Variants in KIF15 observed in about 807,000 individuals in gnomAD.
KIF15 encodes kinesin family member 15, also known as kinesin-like protein KIF15.
KIF15 carries 140 observed loss-of-function variants against 190.6 expected under a neutral mutation model. That is an observed-to-expected ratio of 0.73 (90% CI 0.64 to 0.84). The LOEUF (loss-of-function observed/expected upper bound fraction) is 0.84. KIF15 is among the 40% of genes least tolerant of loss of function. KIF15 has a pLI of 0.00. For missense variants in KIF15, 1,372 were observed against 1,584.4 expected, an observed-to-expected ratio of 0.87 and a Z score of 2.28; for synonymous variants, 528 against 551.3, an observed-to-expected ratio of 0.96 and a Z score of 0.59.
intron 25 of KIF15, among the ~76,000 whole-genome samples, chr3:44,830,349 T>C (rs775455593): frequency 2.6e-5 from 4 of 152,198 alleles, no homozygotes; most frequent in Non-Finnish European, 5.9e-5. Flanking sequence ...TGTTTGGGAA[T>C]GCCGGTATAA....
chr3:44,827,253 A>G (rs941531403), intron 22 of KIF15: 1 of 516,330 alleles, frequency 1.9e-6, no homozygotes, highest in Non-Finnish European at 3.6e-6. Context: ...ACTCTGAGGA[A>G]AAACAGTCAT....
chr3:44,762,697 TA>T lies in KIF15; in HGVS notation c.19+815del, dbSNP rs1293409658. Among the ~76,000 whole-genome samples, 23 of 152,360 alleles carry T rather than the reference TA, an allele frequency of 1.5e-4. No individual in the cohort carries two copies. In the East Asian group the frequency reaches 4.4e-3, roughly 29 times the overall value. ...TGTCATTTGAGCTTTCCAACGCCGT[TA>T]ATGTTTCTAGCTTTCTGTCAATTGT... On this transcript the variant is annotated intron_variant, in intron 1 of 34. Transcript: ENST00000326047.
At chr3:44,775,530 A>G in intron 3 of KIF15, 93 bp downstream of exon 3, 1 of 887,776 alleles carries the variant, frequency 1.1e-6, no homozygotes, top group Non-Finnish European at 1.7e-6. Context: ...ATCTCGGCTC[A>G]CTGCACCCTC....
chr3:44,857,994 A>C (rs1699204834), downstream of KIF15, among the ~76,000 whole-genome samples: 1 of 152,224 alleles, frequency 6.6e-6, no homozygotes, highest in Admixed American at 6.5e-5. Flanking sequence ...GGTGGAAAGA[A>C]AGTAAATCAA....
At chr3:44,792,328 A>G (rs1458305207) in intron 7 of KIF15, among the ~76,000 whole-genome samples, 1 of 151,800 alleles carries the variant, frequency 6.6e-6, no homozygotes, top group Non-Finnish European at 1.5e-5. Flanking sequence ...ATACAAAAAA[A>G]TTAGGCATGG....
chr3:44,834,287 GCCA>G (rs1698204862), intron 26 of KIF15, among the ~76,000 whole-genome samples: 1 of 152,104 alleles, frequency 6.6e-6, no homozygotes, highest in African/African-American at 2.4e-5. Flanking sequence ...TGAGTACTTA[GCCA>G]ATGCAGTAAA....
chr3:44,844,178 C>A (rs116385822), intron 30 of KIF15, among the ~76,000 whole-genome samples: 2,839 of 152,314 alleles, frequency 0.019, 76 homozygotes, highest in African/African-American at 0.064. Context: ...TCCTGCAGCT[C>A]CCTGGCCCTG....
intron 6 of KIF15, chr3:44,864,437 G>C: frequency 2.0e-6 from 3 of 1,513,248 alleles, no homozygotes; most frequent in Non-Finnish European, 1.8e-6. Context: ...CAGGAGAAAG[G>C]ACAGGAACTG....
exon 35 of KIF15, chr3:44,853,253 ATAAT>A (rs1488384392): frequency 2.6e-5 from 4 of 152,244 alleles, no homozygotes; most frequent in Non-Finnish European, 5.9e-5. Context: ...TTTTAAGATA[ATAAT>A]TAAAGTGACT....
Position 44,775,422 on chromosome 3 carries a change from T to C in KIF15, c.231T>C (p.Asp77=), listed in dbSNP as rs774317446. Residue 77 remains aspartate, a synonymous_variant, in exon 3 of 35, where the codon GAT becomes GAC. Coordinates refer to ENST00000326047, the MANE Select transcript of KIF15 (RefSeq NM_020242.3). ...PKTFTFDHVA[D]VDTTQESVFA... The stretch of plus-strand genomic sequence containing the variant: ...CCTTCACGTTTGATCATGTTGCAGA[T>C]GTGGATACCACTCAGGTAATGATAA... 9 of 1,608,862 alleles carry C rather than the reference T, an allele frequency of 5.6e-6. No individual in the cohort carries two copies. In the East Asian group the frequency reaches 2.0e-4, roughly 36 times the overall value.
rs1381244529 is a variant in KIF15 at position 44,834,868 on chromosome 3, G to GCCT, written c.3172-3407_3172-3406insCCT. 8.0e-4 allele frequency among the ~76,000 whole-genome samples: 122 copies of GCCT among 151,964 alleles called. 3 individuals are homozygous for GCCT. The East Asian group carries it at 0.017, about 21-fold the overall frequency. On this transcript the variant is annotated intron_variant, in intron 26 of 34. Coordinates refer to ENST00000326047, the MANE Select transcript of KIF15 (RefSeq NM_020242.3). ...GAATCGCTGGAACCTAGGAGGCAGAGGTTGCAGTGAGCCAAGATCGCGCCA... is the reference window on the plus strand; with the variant it reads ...GAATCGCTGGAACCTAGGAGGCAGAGCCTGTTGCAGTGAGCCAAGATCGCGCCA...
intron 1 of KIF15, among the ~76,000 whole-genome samples, chr3:44,768,197 C>G (rs1054025322): frequency 6.6e-6 from 1 of 151,514 alleles, no homozygotes; most frequent in Non-Finnish European, 1.5e-5. Flanking sequence ...TTGCTTGAAT[C>G]TGGGAGGTGG....
intron 32 of KIF15, 78 bp downstream of exon 32, chr3:44,848,636 G>T (rs1698953558): frequency 1.6e-6 from 1 of 635,722 alleles, no homozygotes; most frequent in Non-Finnish European, 2.6e-6. Context: ...ATACCACAAG[G>T]TAGGTAACTT....
At chr3:44,846,041 C>A (rs1698834102) in intron 30 of KIF15, among the ~76,000 whole-genome samples, 1 of 152,202 alleles carries the variant, frequency 6.6e-6, no homozygotes, top group Non-Finnish European at 1.5e-5. Flanking sequence ...CCTAGATAAA[C>A]TTGTTTGTTC....
At chr3:44,840,237 C>A in intron 27 of KIF15, 118 bp from the exon 28 acceptor site, 1 of 600,710 alleles carries the variant, frequency 1.7e-6, no homozygotes. Context: ...AGTGATATCT[C>A]ATTGTGGTTT....
At chr3:44,850,938 C>T (rs1699039076) in intron 32 of KIF15, among the ~76,000 whole-genome samples, 1 of 152,162 alleles carries the variant, frequency 6.6e-6, no homozygotes, top group African/African-American at 2.4e-5. Context: ...ATCATTTCAA[C>T]AGTCAACATT....
At chr3:44,784,709 AC>A in intron 5 of KIF15, 135 bp from the exon 6 acceptor site, 1 of 608,682 alleles carries the variant, frequency 1.6e-6, no homozygotes. Context: ...TCTCTCACAG[AC>A]CTAGATTTAA....
At chr3:44,856,086 C>T (rs1468291039), downstream of KIF15, among the ~76,000 whole-genome samples, 9 of 151,398 alleles carry the variant, frequency 5.9e-5, no homozygotes, top group South Asian at 2.1e-4. Flanking sequence ...GGTCCGTTAT[C>T]GGACTGTATA....
intron 29 of KIF15, among the ~76,000 whole-genome samples, chr3:44,842,199 A>G (rs1415167938): frequency 6.6e-6 from 1 of 152,166 alleles, no homozygotes; most frequent in East Asian, 1.9e-4. Context: ...TTTATATATT[A>G]GAGATTTTTT....
Sources: allele counts gnomAD v4.1 joint callset (sites outside exome capture counted in the v4.1 genomes callset), GRCh38; gene constraint gnomAD v4.1.1; transcripts MANE v1.5; gene names NCBI Gene and HGNC (gene_info 2026-07-23, HGNC 2026-07-21).